The following PUDP variants were observed in gnomAD, a reference collection of about 807,000 sequenced individuals.
PUDP encodes the protein pseudouridine-5'-phosphatase.
PUDP carries 8 observed loss-of-function variants against 9.4 expected under a neutral mutation model. The observed-to-expected ratio is 0.85, with a 90% CI of 0.50 to 1.53. PUDP has a LOEUF of 1.53. Among genes scored for constraint, PUDP ranks in the 40% most tolerant of loss-of-function variants. The pLI, the probability that PUDP is intolerant of heterozygous loss-of-function variation, is 0.00. For missense variants in PUDP, 188 were observed against 189.7 expected (o/e 0.99, Z 0.05); for synonymous variants, 99 against 80.7 (o/e 1.23, Z -1.22).
intron 3 of PUDP, among the ~76,000 whole-genome samples, chrX:6,734,835 T>C (rs1924854133): frequency 8.9e-6 from 1 of 111,938 alleles, no homozygotes; most frequent in Non-Finnish European, 1.9e-5. Context: ...AGTGGAGTGC[T>C]AGCAAAGGCC....
At chrX:7,041,154 C>A (rs1425750252) in intron 1 of PUDP, among the ~76,000 whole-genome samples, 1 of 111,692 alleles carries the variant, frequency 9.0e-6, no homozygotes, top group South Asian at 3.8e-4. Context: ...CAATGTCACC[C>A]TGGAATCTTA....
chrX:7,001,865 A>G (rs1290536959), intron 1 of PUDP, among the ~76,000 whole-genome samples: 1 of 112,007 alleles, frequency 8.9e-6, no homozygotes, highest in East Asian at 2.8e-4. Flanking sequence ...AACACTTCAC[A>G]AGACAATTTA....
chrX:6,909,870 T>C (rs993644369), intron 3 of PUDP, among the ~76,000 whole-genome samples: 14 of 112,629 alleles, frequency 1.2e-4, no homozygotes, highest in Non-Finnish European at 2.4e-4. Flanking sequence ...TATTTGATTC[T>C]GATTTAAGAC....
rs745594271 is a variant in PUDP, at chrX:6,720,187, CAT to C, written n.128+1228_128+1229del. Among the ~76,000 whole-genome samples the C allele has an allele frequency of 1.1e-3, 82 of 73,417 alleles. No homozygotes were observed. The East Asian group carries it at 0.029, about 26-fold the overall frequency. 63.8% of individuals were successfully genotyped at this position (73,417 alleles called of 115,157 possible). ...ATGTGTATATATATGTGTGTATATA[CAT>C]ATGTGTATATATATGTGTGTATATA... On this transcript the variant is annotated intron_variant and non_coding_transcript_variant, in intron 1 of 2. Transcript: ENST00000438499.
At chrX:7,083,047 G>A (rs1931151012) in intron 2 of PUDP, among the ~76,000 whole-genome samples, 1 of 112,664 alleles carries the variant, frequency 8.9e-6, no homozygotes, top group African/African-American at 3.2e-5. Context: ...GATGCCTAGA[G>A]CCCCCAGGAG....
intron 1 of PUDP, among the ~76,000 whole-genome samples, chrX:7,110,743 TG>T (rs1477030886): frequency 1.0e-5 from 1 of 96,797 alleles, no homozygotes; most frequent in African/African-American, 3.9e-5. Flanking sequence ...TAAAGGGGGT[TG>T]TTCTCTTGCG....
intron 3 of PUDP, among the ~76,000 whole-genome samples, chrX:6,967,309 G>A (rs1326995584): frequency 9.0e-6 from 1 of 111,390 alleles, no homozygotes; most frequent in African/African-American, 3.3e-5. Flanking sequence ...CCCCTTAGCT[G>A]GTGTCCCCAG....
At chrX:7,053,297 G>A (rs922200050) in intron 3 of PUDP, among the ~76,000 whole-genome samples, 2 of 111,470 alleles carry the variant, frequency 1.8e-5, no homozygotes, top group African/African-American at 6.5e-5. Context: ...GTAGCTGACT[G>A]TGGCTGTTCC....
At position 6,786,257 on chromosome X, in the gene PUDP, CT is replaced by C. The variant is rs1267489374; in HGVS notation, c.*248-79792del. Among the ~76,000 whole-genome samples, 4 of 111,684 alleles carry C rather than the reference CT, an allele frequency of 3.6e-5. No individual in the cohort carries two copies. In the East Asian group the frequency reaches 1.1e-3, roughly 32 times the overall value. On this transcript the variant is annotated intron_variant and NMD_transcript_variant, in intron 3 of 3. Coordinates refer to the PUDP transcript ENST00000655425. ...GGGATAGACATACTCAGTCCTGGGT[CT>C]TGGATTTACAAACCCTGAAGCAGAA... is the stretch of plus-strand genomic sequence containing the variant.
intron 1 of PUDP, among the ~76,000 whole-genome samples, chrX:7,130,988 T>C (rs1464927728): frequency 8.9e-6 from 1 of 112,084 alleles, no homozygotes; most frequent in Admixed American, 9.4e-5. Flanking sequence ...GTTTTCTTCA[T>C]GGGTTAACGG....
chrX:7,021,869 CA>C, intron 1 of PUDP, among the ~76,000 whole-genome samples: 1 of 112,313 alleles, frequency 8.9e-6, no homozygotes. Context: ...ACCTAATTTT[CA>C]GAACAATATA....
chrX:7,128,334 G>A (rs1452414427), intron 1 of PUDP, among the ~76,000 whole-genome samples: 2 of 111,935 alleles, frequency 1.8e-5, no homozygotes, highest in African/African-American at 3.2e-5. Flanking sequence ...GTGCCACCAC[G>A]CCCGGCCAAC....
chrX:6,870,020 A>T (rs951346528), intron 3 of PUDP, among the ~76,000 whole-genome samples: 2 of 111,313 alleles, frequency 1.8e-5, no homozygotes, highest in Non-Finnish European at 3.8e-5. Flanking sequence ...AGCGTTCATC[A>T]ATGGATAAAT....
intron 1 of PUDP, among the ~76,000 whole-genome samples, chrX:6,990,330 T>G (rs1176089073): frequency 9.0e-6 from 1 of 111,330 alleles, no homozygotes; most frequent in African/African-American, 3.3e-5. Flanking sequence ...AATCCCTCCA[T>G]TGAACACATC....
At chrX:7,038,369 C>T (rs1056420868) in intron 1 of PUDP, among the ~76,000 whole-genome samples, 3 of 112,260 alleles carry the variant, frequency 2.7e-5, no homozygotes, top group East Asian at 5.6e-4. Flanking sequence ...TGGCAATACA[C>T]GAAAGAGGAT....
intron 3 of PUDP, among the ~76,000 whole-genome samples, chrX:6,915,537 A>G (rs939702737): frequency 8.9e-6 from 1 of 111,907 alleles, no homozygotes. Flanking sequence ...CTGTCTACTT[A>G]CAAGCAAATA....
intron 3 of PUDP, among the ~76,000 whole-genome samples, chrX:6,876,540 A>G (rs1340107789): frequency 9.1e-6 from 1 of 110,093 alleles, no homozygotes; most frequent in East Asian, 2.9e-4. Flanking sequence ...ACACACATAT[A>G]TGTATAAACA....
intron 1 of PUDP, among the ~76,000 whole-genome samples, chrX:7,034,538 G>C (rs776229272): frequency 3.0e-4 from 34 of 111,797 alleles, no homozygotes; most frequent in Admixed American, 2.8e-4. Flanking sequence ...TATTATTGTA[G>C]AGTCTTGTGG....
chrX:6,745,193 T>G (rs1344070795), intron 3 of PUDP, among the ~76,000 whole-genome samples: 1 of 111,950 alleles, frequency 8.9e-6, no homozygotes, highest in Non-Finnish European at 1.9e-5. Context: ...AAATTAAAAC[T>G]CTACCATGCA....
Sources: allele counts gnomAD v4.1 joint callset (sites outside exome capture counted in the v4.1 genomes callset), GRCh38; gene constraint gnomAD v4.1.1; transcripts MANE v1.5; gene names NCBI Gene and HGNC (gene_info 2026-07-23, HGNC 2026-07-21).